Variants in LRP2 observed in about 807,000 individuals in gnomAD.
LRP2 encodes low-density lipoprotein receptor-related protein 2.
LRP2 carries 172 observed loss-of-function variants against 531.0 expected under a neutral mutation model. The observed-to-expected ratio is 0.32, with a 90% CI of 0.29 to 0.37. LRP2 has a LOEUF of 0.37. Among genes scored for constraint, LRP2 ranks in the 10% least tolerant of loss-of-function variants. The pLI is 1.00. For missense variants in LRP2, 5,167 were observed against 5,868.3 expected, an observed-to-expected ratio of 0.88 and a Z score of 3.90; for synonymous variants, 1,992 against 2,027.6, an observed-to-expected ratio of 0.98 and a Z score of 0.47.
intron 1 of LRP2, among the ~76,000 whole-genome samples, chr2:169,338,534 T>C (rs566101295): frequency 2.6e-5 from 4 of 152,302 alleles, no homozygotes; most frequent in African/African-American, 7.2e-5. Context: ...CATTTGGCCA[T>C]GTGTTTGTTT....
chr2:169,262,481 A>T (rs1690601582), intron 16 of LRP2, among the ~76,000 whole-genome samples: 1 of 140,406 alleles, frequency 7.1e-6, no homozygotes, highest in African/African-American at 2.6e-5. Context: ...ATCATGAGTG[A>T]ACTCCCATTC....
chr2:169,319,619 C>T (rs1007465084), intron 2 of LRP2, among the ~76,000 whole-genome samples: 3 of 152,232 alleles, frequency 2.0e-5, no homozygotes, highest in African/African-American at 7.2e-5. Context: ...ATTGTTTAAT[C>T]AAAATGAACT....
At chr2:169,183,464 A>G (rs1206720400) in intron 50 of LRP2, among the ~76,000 whole-genome samples, 1 of 152,152 alleles carries the variant, frequency 6.6e-6, no homozygotes, top group Non-Finnish European at 1.5e-5. Flanking sequence ...CAGACCAGGG[A>G]CTTTTTAAAA....
intron 3 of LRP2, among the ~76,000 whole-genome samples, chr2:169,317,065 T>C (rs1435174399): frequency 3.3e-5 from 5 of 152,128 alleles, no homozygotes; most frequent in Non-Finnish European, 5.9e-5. Flanking sequence ...TTAAAAGATA[T>C]CTAATGGAGA....
chr2:169,230,502 AC>A (rs1400904538), intron 31 of LRP2, among the ~76,000 whole-genome samples: 1 of 152,232 alleles, frequency 6.6e-6, no homozygotes, highest in Non-Finnish European at 1.5e-5. Flanking sequence ...CTAGATTAGG[AC>A]TAAATTTCCT....
intron 1 of LRP2, among the ~76,000 whole-genome samples, chr2:169,324,535 A>G (rs1193051866): frequency 1.3e-5 from 2 of 151,668 alleles, no homozygotes; most frequent in African/African-American, 4.9e-5. Flanking sequence ...AAAGCAATGC[A>G]AAAAAAATTT....
At chr2:169,176,342 G>A in intron 54 of LRP2, 69 bp downstream of exon 54, 1 of 1,587,668 alleles carries the variant, frequency 6.3e-7, no homozygotes, top group African/African-American at 1.3e-5. Flanking sequence ...CCCATCCCTT[G>A]GAGCCTTGAA....
chr2:169,139,152 T>C, intron 74 of LRP2, 99 bp downstream of exon 74: 1 of 1,555,912 alleles, frequency 6.4e-7, no homozygotes, highest in East Asian at 2.2e-5. Flanking sequence ...GAACTGCGTA[T>C]TGTGCTTTTT....
intron 45 of LRP2, 89 bp downstream of exon 45, chr2:169,198,697 A>T: frequency 6.7e-7 from 1 of 1,495,348 alleles, no homozygotes; most frequent in Middle Eastern, 1.7e-4. Flanking sequence ...AATTGAAATC[A>T]GCCCGAATAC....
At chr2:169,305,955 C>A (rs1684403636) in intron 4 of LRP2, among the ~76,000 whole-genome samples, 1 of 151,978 alleles carries the variant, frequency 6.6e-6, no homozygotes, top group Non-Finnish European at 1.5e-5. Context: ...ACTGTTTACC[C>A]TAGGTGTGCA....
intron 49 of LRP2, 101 bp downstream of exon 49, chr2:169,187,869 T>G: frequency 1.6e-6 from 2 of 1,261,550 alleles, no homozygotes; most frequent in East Asian, 4.6e-5. Flanking sequence ...TATGGTAACT[T>G]TGTAGTTAGA....
chr2:169,216,070 T>A (rs555411819), intron 35 of LRP2, among the ~76,000 whole-genome samples, 183 bp downstream of exon 35: 7 of 152,034 alleles, frequency 4.6e-5, no homozygotes, highest in Non-Finnish European at 5.9e-5. Flanking sequence ...TATAAAGAAC[T>A]GGACTTCAGC....
chr2:169,226,607 A>G lies in LRP2; in HGVS notation c.5228-19T>C, dbSNP rs781592202. The G allele has an allele frequency of 1.3e-6, 2 of 1,569,616 alleles. No homozygotes were observed. Among genetic ancestry groups the G allele is most frequent in the African/African-American group, 1.3e-5 (1 of 74,130 alleles). On this transcript the variant is annotated intron_variant, in intron 31 of 78. Transcript: ENST00000649046. ...TGATCATCTGTGAAAATAGAAGAATATCAGTCAAAATCATATCCCACTATT... is the reference window on the plus strand; with the variant it reads ...TGATCATCTGTGAAAATAGAAGAATGTCAGTCAAAATCATATCCCACTATT...
rs367923741 is a variant in LRP2, at chr2:169,198,977, C to T, written c.8453-66G>A. 92 of 1,527,974 alleles carry T rather than the reference C, an allele frequency of 6.0e-5. 1 individual carries two copies. The Middle Eastern group carries it at 1.5e-3, about 25-fold the overall frequency. The allele number at this position is 1,527,974 out of a possible 1,614,324, so 94.7% of individuals were successfully genotyped here. A position where few individuals can be genotyped will look rare whatever the true frequency, so the allele number is the denominator to read the frequency against. On this transcript the variant is annotated intron_variant, in intron 44 of 78. Transcript: ENST00000649046. Reference sequence around the variant, plus strand: ...CCAAATATGTATTATGAACAGTATCCGTGCTAACACATCTATTGTGGAACT... The same window carrying T: ...CCAAATATGTATTATGAACAGTATCTGTGCTAACACATCTATTGTGGAACT...
intron 1 of LRP2, among the ~76,000 whole-genome samples, chr2:169,327,686 C>G (rs1219230975): frequency 8.5e-6 from 1 of 117,892 alleles, no homozygotes; most frequent in African/African-American, 3.4e-5. Flanking sequence ...CCCGGCCAGC[C>G]GACCCATCCG....
intron 50 of LRP2, among the ~76,000 whole-genome samples, chr2:169,184,767 G>A (rs1168322343): frequency 5.4e-5 from 4 of 73,690 alleles, no homozygotes; most frequent in African/African-American, 2.3e-4. Context: ...TGTTTTGTTT[G>A]TTTTGTTTTT....
chr2:169,319,736 T>C (rs1684861807), intron 2 of LRP2, among the ~76,000 whole-genome samples: 3 of 152,188 alleles, frequency 2.0e-5, no homozygotes, highest in Admixed American at 2.0e-4. Flanking sequence ...ATCAACATCA[T>C]CAGGAAGTTT....
rs779076036 is a variant in LRP2, at chr2:169,320,871, C to T, written c.93G>A (p.Ala31=). Residue 31 remains alanine, a synonymous_variant, in exon 2 of 79, where the codon GCG becomes GCA. Transcript: ENST00000649046. ...AATGCCCACTTCCACAGCGAAAATG[C>T]GCACTGTCACATTCTGCAATAATAG... ...APASGQECDS[A]HFRCGSGHCI... 3.4e-5 allele frequency: 55 copies of T among 1,612,438 alleles called. No homozygotes were observed. The highest frequency in any genetic ancestry group is 4.4e-5 in the South Asian group (4 of 91,058).
At chr2:169,150,020 G>T (rs1473676487) in intron 68 of LRP2, among the ~76,000 whole-genome samples, 3 of 152,106 alleles carry the variant, frequency 2.0e-5, no homozygotes, top group African/African-American at 4.8e-5. Flanking sequence ...AATATATTGT[G>T]TAGATAAGAT....
Sources: gnomAD v4.1 joint callset for allele counts (sites outside exome capture counted in the v4.1 genomes callset) on GRCh38, gnomAD v4.1.1 for gene constraint, MANE v1.5 for transcripts, NCBI Gene and HGNC (gene_info 2026-07-23, HGNC 2026-07-21) for gene names.